The following LHFPL3 variants were observed in gnomAD, a reference collection of about 807,000 sequenced individuals.
The protein encoded by LHFPL3 is LHFPL tetraspan subfamily member 3, also known as LHFPL tetraspan subfamily member 3 protein.
LHFPL3 carries 5 observed loss-of-function variants against 19.3 expected under a neutral mutation model. That is an observed-to-expected ratio of 0.26 (90% CI 0.14 to 0.54). The LOEUF is 0.54. Ranked by LOEUF, LHFPL3 falls within the 20% of genes least tolerant of loss-of-function variation. LHFPL3 has a pLI of 0.94. For synonymous variants in LHFPL3, 133 were observed against 126.2 expected (o/e 1.05, Z -0.36); for missense variants, 249 against 307.4 (o/e 0.81, Z 1.42).
At chr7:104,832,701 G>A (rs1348743716) in intron 2 of LHFPL3, among the ~76,000 whole-genome samples, 1 of 148,694 alleles carries the variant, frequency 6.7e-6, no homozygotes, top group Non-Finnish European at 1.5e-5. Context: ...CCTCGGATGG[G>A]CACGGTGGCT....
chr7:104,481,405 A>G (rs183398399), intron 1 of LHFPL3, among the ~76,000 whole-genome samples: 38 of 152,276 alleles, frequency 2.5e-4, no homozygotes, highest in Non-Finnish European at 4.6e-4. Context: ...CTTGGTGACC[A>G]TACTCCCACT....
intron 2 of LHFPL3, among the ~76,000 whole-genome samples, chr7:104,842,854 C>G (rs771621373): frequency 3.9e-5 from 6 of 152,222 alleles, no homozygotes; most frequent in Non-Finnish European, 7.3e-5. Context: ...CTTTGCTTCT[C>G]TAAGTATCTT....
At chr7:104,891,957 G>A (rs1235696326) in intron 2 of LHFPL3, among the ~76,000 whole-genome samples, 1 of 152,122 alleles carries the variant, frequency 6.6e-6, no homozygotes, top group Non-Finnish European at 1.5e-5. Context: ...AATTAATCCA[G>A]CTACCAGGAA....
intron 1 of LHFPL3, among the ~76,000 whole-genome samples, chr7:104,540,832 G>C (rs529929676): frequency 6.6e-6 from 1 of 152,088 alleles, no homozygotes; most frequent in East Asian, 1.9e-4. Flanking sequence ...CACTCACCAA[G>C]GCCAGTCACT....
intron 1 of LHFPL3, among the ~76,000 whole-genome samples, chr7:104,731,883 T>C (rs1584502407): frequency 6.6e-6 from 1 of 152,186 alleles, no homozygotes; most frequent in African/African-American, 2.4e-5. Context: ...CTCTTATTAT[T>C]TTGAGATACG....
intron 1 of LHFPL3, among the ~76,000 whole-genome samples, chr7:104,481,951 A>G (rs1793144568): frequency 6.6e-6 from 1 of 152,084 alleles, no homozygotes; most frequent in Non-Finnish European, 1.5e-5. Context: ...CGATGCATCT[A>G]ATTCCCCCTT....
intron 1 of LHFPL3, among the ~76,000 whole-genome samples, chr7:104,589,156 G>C (rs1423419575): frequency 6.6e-6 from 1 of 152,140 alleles, no homozygotes; most frequent in Non-Finnish European, 1.5e-5. Context: ...ATGTTGAATA[G>C]GAGTGGTGAG....
intron 1 of LHFPL3, among the ~76,000 whole-genome samples, chr7:104,542,767 C>G (rs1303864948): frequency 6.6e-6 from 1 of 152,090 alleles, no homozygotes; most frequent in Non-Finnish European, 1.5e-5. Context: ...TTAAAAATAC[C>G]TGGTATTCAT....
intron 1 of LHFPL3, among the ~76,000 whole-genome samples, chr7:104,527,466 A>G (rs777271520): frequency 2.6e-4 from 39 of 152,156 alleles, no homozygotes; most frequent in Non-Finnish European, 4.1e-4. Context: ...TTGAAGGGCA[A>G]TGCACTCGAT....
At chr7:104,409,729 G>T (rs1476827064) in intron 1 of LHFPL3, among the ~76,000 whole-genome samples, 1 of 152,184 alleles carries the variant, frequency 6.6e-6, no homozygotes, top group Non-Finnish European at 1.5e-5. Flanking sequence ...GTATTTAAAT[G>T]ATTAAATGGT....
intron 1 of LHFPL3, among the ~76,000 whole-genome samples, chr7:104,717,457 A>G (rs953155038): frequency 6.6e-6 from 1 of 152,192 alleles, no homozygotes; most frequent in Non-Finnish European, 1.5e-5. Flanking sequence ...ACTACACAAT[A>G]GAGAAAAACT....
At chr7:104,497,146 C>T (rs543459390) in intron 1 of LHFPL3, among the ~76,000 whole-genome samples, 2 of 151,128 alleles carry the variant, frequency 1.3e-5, no homozygotes, top group African/African-American at 4.9e-5. Context: ...ATCATACTAT[C>T]GTTCTCGAGT....
intron 2 of LHFPL3, among the ~76,000 whole-genome samples, chr7:104,850,414 T>A (rs79073517): frequency 0.012 from 1,871 of 152,210 alleles, 39 homozygotes; most frequent in African/African-American, 0.042. Context: ...TCAGAGAAGA[T>A]CTTTTGCTTC....
chr7:104,667,393 C>T (rs902183022), intron 1 of LHFPL3, among the ~76,000 whole-genome samples: 1 of 152,148 alleles, frequency 6.6e-6, no homozygotes, highest in African/African-American at 2.4e-5. Context: ...TATTAAGCAT[C>T]ACATGCCATG....
At chr7:104,863,222 T>C (rs966854542) in intron 2 of LHFPL3, among the ~76,000 whole-genome samples, 5 of 152,190 alleles carry the variant, frequency 3.3e-5, no homozygotes, top group African/African-American at 1.2e-4. Flanking sequence ...TCTCAAAATC[T>C]TATAAAGTGA....
At chr7:104,567,455 A>G (rs1352364307) in intron 1 of LHFPL3, among the ~76,000 whole-genome samples, 1 of 152,184 alleles carries the variant, frequency 6.6e-6, no homozygotes, top group Non-Finnish European at 1.5e-5. Flanking sequence ...CTTTGAATGT[A>G]CTGGCATCCT....
chr7:104,853,694 T>C (rs920418620), intron 2 of LHFPL3, among the ~76,000 whole-genome samples: 1 of 152,094 alleles, frequency 6.6e-6, no homozygotes, highest in Non-Finnish European at 1.5e-5. Context: ...AAAGGGAAAA[T>C]GTTTGTATTT....
At chr7:104,809,279 T>C (rs974902357) in intron 2 of LHFPL3, among the ~76,000 whole-genome samples, 2 of 152,212 alleles carry the variant, frequency 1.3e-5, no homozygotes, top group African/African-American at 4.8e-5. Flanking sequence ...AGTTTATAGA[T>C]CTTTAACATC....
chr7:104,846,786 T>C (rs1218189828), intron 2 of LHFPL3, among the ~76,000 whole-genome samples: 3 of 152,194 alleles, frequency 2.0e-5, no homozygotes, highest in Non-Finnish European at 4.4e-5. Flanking sequence ...CTATGAAGTA[T>C]CTGGATGAGC....
Sources: allele counts gnomAD v4.1 joint callset (sites outside exome capture counted in the v4.1 genomes callset), GRCh38; gene constraint gnomAD v4.1.1; transcripts MANE v1.5; gene names NCBI Gene and HGNC (gene_info 2026-07-23, HGNC 2026-07-21).